COA1: variants seen among roughly 807,000 people sequenced by gnomAD.
COA1 encodes the protein cytochrome c oxidase assembly factor 1 homolog.
In COA1, 13 loss-of-function variants were observed where a neutral mutation model predicts 16.0. The ratio of observed to expected loss-of-function variants is 0.81; its 90% CI spans 0.53 to 1.29. COA1 has a LOEUF of 1.29. Ranked by LOEUF, COA1 falls within the 50% of genes most tolerant of loss-of-function variation. COA1 has a pLI of 0.00. For synonymous variants in COA1, 65 were observed against 65.7 expected, an observed-to-expected ratio of 0.99 and a Z score of 0.05; for missense variants, 179 against 177.0, an observed-to-expected ratio of 1.01 and a Z score of -0.06.
At chr7:43,719,421 G>A (rs1427845020) in intron 1 of COA1, among the ~76,000 whole-genome samples, 2 of 152,228 alleles carry the variant, frequency 1.3e-5, no homozygotes, top group East Asian at 3.8e-4. Flanking sequence ...AGTGGTTAGT[G>A]AGGCAAGGCT....
chr7:43,681,844 C>T (rs903580556), intron 1 of COA1, among the ~76,000 whole-genome samples: 2 of 152,124 alleles, frequency 1.3e-5, no homozygotes, highest in African/African-American at 4.8e-5. Flanking sequence ...TAAATGATAA[C>T]CTGAAAACCC....
intron 1 of COA1, among the ~76,000 whole-genome samples, chr7:43,693,603 T>C (rs1163620903): frequency 6.6e-6 from 1 of 152,066 alleles, no homozygotes; most frequent in Non-Finnish European, 1.5e-5. Context: ...ATTTTTAAAG[T>C]CCATAATTTT....
intron 6 of COA1, among the ~76,000 whole-genome samples, chr7:43,634,170 T>C (rs936868555): frequency 2.6e-5 from 4 of 152,210 alleles, no homozygotes; most frequent in Non-Finnish European, 5.9e-5. Flanking sequence ...AATTCTAAAA[T>C]CTGTGTTATC....
intron 1 of COA1, among the ~76,000 whole-genome samples, chr7:43,724,309 T>C (rs2095567980): frequency 6.6e-6 from 1 of 152,136 alleles, no homozygotes; most frequent in African/African-American, 2.4e-5. Context: ...TCCCAGCACT[T>C]TGGGACACTG....
At chr7:43,611,172 A>C (rs2082844275) in intron 6 of COA1, among the ~76,000 whole-genome samples, 1 of 152,202 alleles carries the variant, frequency 6.6e-6, no homozygotes, top group Non-Finnish European at 1.5e-5. Flanking sequence ...TTCTACAGCA[A>C]ACTTGATAAT....
chr7:43,624,814 A>G (rs375843224), intron 6 of COA1: 1 of 1,604,004 alleles, frequency 6.2e-7, no homozygotes. Flanking sequence ...CCTTTGCTAC[A>G]AGAAATTCCA....
chr7:43,626,735 T>C (rs771911558), intron 6 of COA1: 1 of 152,228 alleles, frequency 6.6e-6, no homozygotes, highest in Non-Finnish European at 1.5e-5. Flanking sequence ...ATCAGAATCA[T>C]TTGGGCTTTT....
chr7:43,640,679 A>G, intron 4 of COA1, 30 bp from the exon 5 acceptor site: 1 of 1,434,550 alleles, frequency 7.0e-7, no homozygotes, highest in Non-Finnish European at 9.7e-7. Context: ...GAAAGGAGAG[A>G]TGTAATTGGA....
At chr7:43,650,068 A>C (rs2090441058) in intron 1 of COA1, 1 of 152,476 alleles carries the variant, frequency 6.6e-6, no homozygotes, top group African/African-American at 2.4e-5. Context: ...CGCAGGAGAG[A>C]AGCCACAGGA....
chr7:43,692,653 T>C (rs1295031890), intron 1 of COA1, among the ~76,000 whole-genome samples: 2 of 152,228 alleles, frequency 1.3e-5, no homozygotes, highest in Non-Finnish European at 2.9e-5. Context: ...TGTGTATTTT[T>C]CAGTATTCAT....
At chr7:43,610,346 C>CAAAAAAAAA (rs138859141) in intron 6 of COA1, among the ~76,000 whole-genome samples, 8 of 41,328 alleles carry the variant, frequency 1.9e-4, no homozygotes, top group African/African-American at 7.6e-4. Context: ...GACTCCGTCT[C>CAAAAAAAAA]AAAAAAAAAA....
chr7:43,643,281 A>G (rs1051220066), intron 4 of COA1, among the ~76,000 whole-genome samples: 3 of 152,178 alleles, frequency 2.0e-5, no homozygotes, highest in Non-Finnish European at 4.4e-5. Flanking sequence ...TGCTGCATCA[A>G]CCAGCCCCAG....
chr7:43,614,008 A>G (rs2083112793), intron 6 of COA1, among the ~76,000 whole-genome samples: 1 of 152,176 alleles, frequency 6.6e-6, no homozygotes, highest in Non-Finnish European at 1.5e-5. Context: ...TTTAGATGGG[A>G]TTATTAACCT....
chr7:43,689,496 T>A (rs953702836), intron 1 of COA1, among the ~76,000 whole-genome samples: 3 of 152,118 alleles, frequency 2.0e-5, no homozygotes, highest in Admixed American at 1.3e-4. Context: ...TTTTTAACTG[T>A]CAACCCAGAA....
chr7:43,620,902 G>C (rs2083820396), intron 6 of COA1, among the ~76,000 whole-genome samples: 1 of 152,128 alleles, frequency 6.6e-6, no homozygotes, highest in African/African-American at 2.4e-5. Context: ...GAAGGCTGTG[G>C]CCTGGGCCTG....
At chr7:43,728,160 G>A (rs2095657870) in intron 1 of COA1, among the ~76,000 whole-genome samples, 1 of 152,060 alleles carries the variant, frequency 6.6e-6, no homozygotes, top group Non-Finnish European at 1.5e-5. Context: ...ATTTTTAGTG[G>A]AGACGGGGTT....
rs528453056 is a variant in COA1 at position 43,610,467 on chromosome 7, A to G, written c.*134-972T>C. 4.0e-5 allele frequency among the ~76,000 whole-genome samples: 6 copies of G among 151,894 alleles called. No homozygotes were observed. The South Asian group carries it at 1.2e-3, about 32-fold the overall frequency. On this transcript the variant is annotated intron_variant and NMD_transcript_variant, in intron 6 of 6. Transcript: ENST00000415076. ...GATCACTTGAGGTCAGGAGTTCAAGACCAGCCTGGCCAACATGGTGAAATC... is the reference window on the plus strand; with the variant it reads ...GATCACTTGAGGTCAGGAGTTCAAGGCCAGCCTGGCCAACATGGTGAAATC...
chr7:43,708,977 C>T (rs1183313144), intron 1 of COA1, among the ~76,000 whole-genome samples: 2 of 150,588 alleles, frequency 1.3e-5, no homozygotes, highest in Non-Finnish European at 2.9e-5. Flanking sequence ...TAAGAAAACT[C>T]TTCATACTGT....
intron 1 of COA1, among the ~76,000 whole-genome samples, chr7:43,652,819 C>T (rs2091054181): frequency 8.1e-6 from 1 of 123,642 alleles, no homozygotes; most frequent in Non-Finnish European, 1.6e-5. Flanking sequence ...TACTATCACT[C>T]TGGGGATTAC....
Sources: gnomAD v4.1 joint callset for allele counts (sites outside exome capture counted in the v4.1 genomes callset) on GRCh38, gnomAD v4.1.1 for gene constraint, MANE v1.5 for transcripts, NCBI Gene and HGNC (gene_info 2026-07-23, HGNC 2026-07-21) for gene names.